The following HAGH variants were observed in gnomAD, a reference collection of about 807,000 sequenced individuals.
HAGH encodes the protein hydroxyacylglutathione hydrolase, mitochondrial.
Under a neutral mutation model 35.1 loss-of-function variants are expected in HAGH, and 29 were observed. That is an observed-to-expected ratio of 0.83 (90% CI 0.62 to 1.13). The LOEUF (loss-of-function observed/expected upper bound fraction) is 1.13, where lower values mean the gene tolerates loss of function less well. Among genes scored for constraint, HAGH ranks in the 50% most tolerant of loss-of-function variants. The pLI, the probability that HAGH is intolerant of heterozygous loss-of-function variation, is 0.00. For missense variants in HAGH, 478 were observed against 419.6 expected, an observed-to-expected ratio of 1.14 and a Z score of -1.22; for synonymous variants, 225 against 176.1, an observed-to-expected ratio of 1.28 and a Z score of -2.20.
intron 1 of HAGH, among the ~76,000 whole-genome samples, chr16:1,825,191 G>A (rs1657152): frequency 0.68 from 103,421 of 151,950 alleles, 36,061 homozygotes; most frequent in Middle Eastern, 0.78. Context: ...GGTGGCGAGC[G>A]CCTGTAGTCC....
chr16:1,820,463 C>T (rs1363231705), intron 3 of HAGH, among the ~76,000 whole-genome samples: 2 of 150,468 alleles, frequency 1.3e-5, no homozygotes, highest in Admixed American at 6.6e-5. Context: ...GTTTGTGGCC[C>T]GACACTCTGG....
intron 1 of HAGH, chr16:1,826,434 G>C: frequency 2.3e-6 from 1 of 435,952 alleles, no homozygotes; most frequent in African/African-American, 2.1e-5. Context: ...GCGATGCCCT[G>C]GAGGCGTCAG....
At chr16:1,810,112 A>G (rs1897573729) in intron 7 of HAGH, 1 of 435,110 alleles carries the variant, frequency 2.3e-6, no homozygotes, top group African/African-American at 2.0e-5. Context: ...CAGTGAGCCA[A>G]GACTGTGCTA....
chr16:1,824,472 T>C (rs1319083155), intron 1 of HAGH, among the ~76,000 whole-genome samples: 2 of 151,976 alleles, frequency 1.3e-5, no homozygotes, highest in Non-Finnish European at 2.9e-5. Flanking sequence ...AATGCAAAAA[T>C]ATTTTCAGCA....
At chr16:1,823,921 A>G (rs1246346592) in intron 1 of HAGH, among the ~76,000 whole-genome samples, 1 of 152,158 alleles carries the variant, frequency 6.6e-6, no homozygotes. Flanking sequence ...TGTGAGGCGA[A>G]CCACTGCCAG....
intron 7 of HAGH, 129 bp downstream of exon 7, chr16:1,816,764 A>T (rs770684631): frequency 6.0e-6 from 4 of 666,624 alleles, no homozygotes; most frequent in Non-Finnish European, 8.1e-6. Flanking sequence ...GCTGGGCCAC[A>T]CTGGCCTGAA....
chr16:1,809,520 C>T, intron 8 of HAGH, 138 bp from the exon 9 acceptor site: 1 of 717,290 alleles, frequency 1.4e-6, no homozygotes. Context: ...GCGGCAGCCA[C>T]TCCCCTTCTG....
chr16:1,811,300 G>T (rs1424741640), intron 7 of HAGH, among the ~76,000 whole-genome samples: 1 of 152,178 alleles, frequency 6.6e-6, no homozygotes, highest in African/African-American at 2.4e-5. Context: ...TGTAATCCCA[G>T]CTACTGGAGA....
chr16:1,820,010 G>A lies in HAGH; in HGVS notation c.319C>T (p.His107Tyr). The change falls in exon 4 of 9, where the codon CAT (histidine) becomes TAT (tyrosine). Residue 107 changes from histidine to tyrosine, a missense_variant. His to Tyr is a moderately conservative substitution (Grantham distance 83). Coordinates refer to ENST00000397356, the MANE Select transcript of HAGH (RefSeq NM_005326.6). Reference sequence around the variant, plus strand: ...ACCAGTTTCTCATTCCCGCCAGCATGGTCCCTAGAAGTCAAACAGGAGACC... The same window carrying A: ...ACCAGTTTCTCATTCCCGCCAGCATAGTCCCTAGAAGTCAAACAGGAGACC... ...TVLTTHHHWD[H>Y]AGGNEKLVKL... 3 of 1,608,444 alleles carry A rather than the reference G, an allele frequency of 1.9e-6. No individual in the cohort carries two copies.
At chr16:1,820,099 G>A (rs1003168729) in intron 3 of HAGH, 85 bp from the exon 4 acceptor site, 1 of 521,594 alleles carries the variant, frequency 1.9e-6, no homozygotes. Flanking sequence ...CTGAGCTGAG[G>A]GGCTGCCTGC....
Position 1,809,386 on chromosome 16 carries a change from C to T in HAGH, c.828-4G>A, listed in dbSNP as rs369949876. ...GTGCTGCTGCACCGTCTTCTCCCTG[C>T]GGAGGCCAGCACCGGGCTGCAGGCT... On this transcript the variant is annotated splice_polypyrimidine_tract_variant and splice_region_variant and intron_variant, in intron 8 of 8. Coordinates refer to ENST00000397356, the MANE Select transcript of HAGH (RefSeq NM_005326.6). The T allele has an allele frequency of 9.3e-6, 15 of 1,606,802 alleles. No homozygotes were observed. In the East Asian group the frequency reaches 1.8e-4, roughly 19 times the overall value.
Position 1,807,701 on chromosome 16 carries a change from G to C in HAGH, c.*1582C>G. On this transcript the variant is annotated 3_prime_UTR_variant, in exon 9 of 9. Transcript: ENST00000397356. ...CTGAACAATAGAACAAACTCTTTGC[G>C]CTGGGGCGGGGGTAGTGGGAGAAGA... 6.6e-6 allele frequency: 1 copy of C among 152,252 alleles called. No individual in the cohort carries two copies. The highest frequency in any genetic ancestry group is 1.9e-4 in the East Asian group (1 of 5,192). 9.4% of individuals were successfully genotyped at this position (152,252 alleles called of 1,614,324 possible). A position where few individuals can be genotyped will look rare whatever the true frequency, so the allele number is the denominator to read the frequency against.
At chr16:1,827,182 G>A (rs745854469), upstream of HAGH, 13 of 1,553,626 alleles carry the variant, frequency 8.4e-6, no homozygotes, top group South Asian at 8.3e-5. Flanking sequence ...CCGGGATGCC[G>A]TAGGCATCAG....
chr16:1,817,359 C>T (rs1169648356), intron 5 of HAGH, 88 bp from the exon 6 acceptor site: 19 of 860,208 alleles, frequency 2.2e-5, no homozygotes, highest in South Asian at 5.5e-5. Context: ...TGACACTCAC[C>T]GGCAAGGCCC....
intron 7 of HAGH, chr16:1,810,801 GGTGA>G (rs1216264960): frequency 6.6e-6 from 1 of 152,284 alleles, no homozygotes; most frequent in Non-Finnish European, 1.5e-5. Context: ...CAGTGGTGTC[GGTGA>G]GTGACTCTTC....
chr16:1,817,747 C>T, intron 5 of HAGH, among the ~76,000 whole-genome samples: 1 of 152,250 alleles, frequency 6.6e-6, no homozygotes, highest in East Asian at 1.9e-4. Context: ...TCAGGCGCAC[C>T]CAGGCTCCTT....
intron 1 of HAGH, among the ~76,000 whole-genome samples, chr16:1,823,519 G>A (rs748762511): frequency 1.3e-5 from 2 of 151,504 alleles, no homozygotes; most frequent in Non-Finnish European, 2.9e-5. Context: ...CGCCCACCTC[G>A]GCCTCCCAAA....
In HAGH at chr16:1,808,327, G is replaced by C. The variant is rs1897487587; in HGVS notation, c.*956C>G. 1 of 150,814 alleles carries C rather than the reference G, an allele frequency of 6.6e-6. No homozygotes were observed. The allele number at this position is 150,814 out of a possible 1,614,324, so 9.3% of individuals were successfully genotyped here. A position where few individuals can be genotyped will look rare whatever the true frequency, so the allele number is the denominator to read the frequency against. On this transcript the variant is annotated 3_prime_UTR_variant, in exon 9 of 9. Coordinates refer to ENST00000397356, the MANE Select transcript of HAGH (RefSeq NM_005326.6). The stretch of plus-strand genomic sequence containing the variant: ...CATATTTTTTTTTTTTTGAGACAGA[G>C]TCTTGCTCTGTCTCCCAGGCTGGAG...
At chr16:1,813,282 C>A (rs528036603) in intron 7 of HAGH, among the ~76,000 whole-genome samples, 2 of 152,208 alleles carry the variant, frequency 1.3e-5, no homozygotes, top group Admixed American at 6.5e-5. Flanking sequence ...CAGCTCCTTT[C>A]GCCTTCTGCC....
Sources: allele counts gnomAD v4.1 joint callset (sites outside exome capture counted in the v4.1 genomes callset), GRCh38; gene constraint gnomAD v4.1.1; transcripts MANE v1.5; gene names NCBI Gene and HGNC (gene_info 2026-07-23, HGNC 2026-07-21).